The following KCNK10 variants were observed in gnomAD, a reference collection of about 807,000 sequenced individuals.
The protein encoded by KCNK10 is potassium channel subfamily K member 10.
KCNK10 carries 25 observed loss-of-function variants against 47.7 expected under a neutral mutation model. That is an observed-to-expected ratio of 0.52 (90% CI 0.38 to 0.73). KCNK10 has a LOEUF of 0.73. KCNK10 is among the 30% of genes least tolerant of loss of function. KCNK10 has a pLI of 0.00. For missense variants in KCNK10, 563 were observed against 714.5 expected, an observed-to-expected ratio of 0.79 and a Z score of 2.42; for synonymous variants, 303 against 285.6, an observed-to-expected ratio of 1.06 and a Z score of -0.61.
Position 88,224,263 on chromosome 14 carries a change from G to T in KCNK10, c.681+3112C>A, listed in dbSNP as rs542322717. 3.3e-5 allele frequency among the ~76,000 whole-genome samples: 5 copies of T among 152,276 alleles called. No individual in the cohort carries two copies. The South Asian group carries it at 1.0e-3, about 32-fold the overall frequency. On this transcript the variant is annotated intron_variant, in intron 4 of 6. Coordinates refer to ENST00000319231, the MANE Select transcript of KCNK10 (RefSeq NM_138317.3). ...ATAGAAAAACTAATGCAGCAGCAAG[G>T]TCCTAATTCAGGGTAAAGTGACTGT...
At position 88,186,503 on chromosome 14, in the gene KCNK10, A is replaced by C. The variant is rs1884566561; in HGVS notation, c.1012-348T>G. Among the ~76,000 whole-genome samples the C allele has an allele frequency of 2.0e-5, 3 of 152,114 alleles. No individual in the cohort carries two copies. The highest frequency in any genetic ancestry group is 7.2e-5 in the African/African-American group (3 of 41,418). On this transcript the variant is annotated intron_variant, in intron 6 of 6. Transcript: ENST00000319231. This position sits in a 1 kb window ranked among gnomAD's most constrained non-coding sequence, Gnocchi z 5.5. ...CTTCCAGCTCTCTCTTATCAATTGCATGGCCTCATTCCCCCAACATACACT... is the reference window on the plus strand; with the variant it reads ...CTTCCAGCTCTCTCTTATCAATTGCCTGGCCTCATTCCCCCAACATACACT...
chr14:88,309,869 T>C (rs1055585353), intron 1 of KCNK10, among the ~76,000 whole-genome samples: 2 of 151,904 alleles, frequency 1.3e-5, no homozygotes, highest in Admixed American at 6.6e-5. Context: ...TCTGACAACA[T>C]TTGCACAAAT....
At chr14:88,292,641 G>A (rs1180079652) in intron 1 of KCNK10, among the ~76,000 whole-genome samples, 1 of 151,358 alleles carries the variant, frequency 6.6e-6, no homozygotes, top group Non-Finnish European at 1.5e-5. Flanking sequence ...TTTCTTGTTT[G>A]GTTTTGTTTT....
Position 88,322,478 on chromosome 14 carries a change from C to A in KCNK10, c.52+269G>T, listed in dbSNP as rs1229334468. 6.6e-6 allele frequency among the ~76,000 whole-genome samples: 1 copy of A among 152,138 alleles called. No individual in the cohort carries two copies. The highest frequency in any genetic ancestry group is 1.5e-5 in the Non-Finnish European group (1 of 68,026). On this transcript the variant is annotated intron_variant, in intron 1 of 6. Coordinates refer to ENST00000319231, the MANE Select transcript of KCNK10 (RefSeq NM_138317.3). The surrounding 1 kb of genome is among the most constrained non-coding windows in gnomAD (Gnocchi z 4.8). ...AGTCAAAAGCAAATACCGACACTTG[C>A]AATTTCAAACCAAACAGTCGGCTTG...
At chr14:88,192,056 A>T (rs116879398) in intron 5 of KCNK10, among the ~76,000 whole-genome samples, 168 bp downstream of exon 5, 2,598 of 152,370 alleles carry the variant, frequency 0.017, 47 homozygotes, top group Middle Eastern at 0.048. Flanking sequence ...TATGGTATTT[A>T]TATTACATAG....
chr14:88,266,464 G>A (rs574350312), intron 1 of KCNK10, among the ~76,000 whole-genome samples: 8 of 152,116 alleles, frequency 5.3e-5, no homozygotes, highest in East Asian at 1.9e-4. Context: ...CAGGCCCAGC[G>A]TGCTGATCTT....
intron 1 of KCNK10, among the ~76,000 whole-genome samples, chr14:88,319,918 A>G (rs765025453): frequency 1.3e-5 from 2 of 152,248 alleles, no homozygotes; most frequent in Non-Finnish European, 2.9e-5. Flanking sequence ...CCTTTCTCCT[A>G]AAATGTTTGT....
intron 2 of KCNK10, among the ~76,000 whole-genome samples, chr14:88,255,531 C>CA (rs33933825): frequency 0.4 from 56,094 of 139,884 alleles, 11,658 homozygotes; most frequent in African/African-American, 0.52. Flanking sequence ...CTGTCTCTAC[C>CA]AAAAAAAAAA....
Position 88,242,715 on chromosome 14 carries a change from C to A in KCNK10, c.403-1895G>T, listed in dbSNP as rs10134409. Among the ~76,000 whole-genome samples, 1,376 of 152,314 alleles carry A rather than the reference C, an allele frequency of 9.0e-3. 22 individuals are homozygous for A. The highest frequency in any genetic ancestry group is 0.032 in the African/African-American group (1,321 of 41,560). Reference sequence around the variant, plus strand: ...GTTCTGCTCTGCTCTAGAGGGCAGACAGATGGTGAGTCCTTTCCACCGGTA... The same window carrying A: ...GTTCTGCTCTGCTCTAGAGGGCAGAAAGATGGTGAGTCCTTTCCACCGGTA... On this transcript the variant is annotated intron_variant, in intron 2 of 6. Coordinates refer to ENST00000319231, the MANE Select transcript of KCNK10 (RefSeq NM_138317.3).
chr14:88,313,615 C>A (rs1377213061), intron 1 of KCNK10, among the ~76,000 whole-genome samples: 4 of 152,134 alleles, frequency 2.6e-5, no homozygotes, highest in Non-Finnish European at 5.9e-5. Flanking sequence ...CACATGAGCA[C>A]ACCAGCTTGG....
chr14:88,205,995 G>A (rs1885262275), intron 4 of KCNK10, among the ~76,000 whole-genome samples: 1 of 151,942 alleles, frequency 6.6e-6, no homozygotes, highest in African/African-American at 2.4e-5. Context: ...TTCTAGTAAA[G>A]GTACATAACA....
intron 2 of KCNK10, among the ~76,000 whole-genome samples, chr14:88,244,923 G>C (rs1886587432): frequency 6.6e-6 from 1 of 152,116 alleles, no homozygotes; most frequent in East Asian, 1.9e-4. Context: ...AATTCACACA[G>C]GCAGATAATT....
chr14:88,213,867 G>A (rs1231805972), intron 4 of KCNK10, among the ~76,000 whole-genome samples: 8 of 151,170 alleles, frequency 5.3e-5, no homozygotes, highest in Non-Finnish European at 1.2e-4. Flanking sequence ...ATCCCCAGTG[G>A]GAATTAAAAT....
rs1884314089 is a variant in KCNK10 at position 88,180,608 on chromosome 14, G to A, written c.*4927C>T. Reference sequence around the variant, plus strand: ...GAACTATTTCAGATTTTTCACCTAAGAATCAAGAACACAAAGTAGATACCA... The same window carrying A: ...GAACTATTTCAGATTTTTCACCTAAAAATCAAGAACACAAAGTAGATACCA... On this transcript the variant is annotated 3_prime_UTR_variant, in exon 7 of 7. Coordinates refer to ENST00000319231, the MANE Select transcript of KCNK10 (RefSeq NM_138317.3). 1 of 395,642 alleles carries A rather than the reference G, an allele frequency of 2.5e-6. No individual in the cohort carries two copies. Among genetic ancestry groups the A allele is most frequent in the South Asian group, 1.4e-4 (1 of 6,992 alleles). The allele number at this position is 395,642 out of a possible 1,614,324, so 24.5% of individuals were successfully genotyped here.
At chr14:88,255,107 G>A (rs533341998) in intron 2 of KCNK10, among the ~76,000 whole-genome samples, 39 of 152,196 alleles carry the variant, frequency 2.6e-4, no homozygotes, top group African/African-American at 9.2e-4. Context: ...TATTCCCCAC[G>A]TGGAGTGCTA....
chr14:88,219,327 G>A (rs1003281644), intron 4 of KCNK10, among the ~76,000 whole-genome samples: 9 of 152,162 alleles, frequency 5.9e-5, no homozygotes, highest in Admixed American at 2.0e-4. Flanking sequence ...TTGCAGCTAC[G>A]AATGGGACCT....
chr14:88,244,375 A>G (rs1336039213), intron 2 of KCNK10, among the ~76,000 whole-genome samples: 6 of 152,224 alleles, frequency 3.9e-5, no homozygotes, highest in African/African-American at 1.4e-4. Flanking sequence ...ATTTGCTTTT[A>G]AGATTTTTCT....
intron 2 of KCNK10, among the ~76,000 whole-genome samples, chr14:88,262,830 C>T (rs1887147647): frequency 6.6e-6 from 1 of 152,202 alleles, no homozygotes; most frequent in Non-Finnish European, 1.5e-5. Flanking sequence ...CCTGCTTATT[C>T]TAAATCTGCA....
At chr14:88,301,191 T>C (rs1888085160) in intron 1 of KCNK10, among the ~76,000 whole-genome samples, 1 of 152,216 alleles carries the variant, frequency 6.6e-6, no homozygotes, top group Non-Finnish European at 1.5e-5. Context: ...CAGAATTAAA[T>C]ATGATAATGT....
Sources: allele counts gnomAD v4.1 joint callset (sites outside exome capture counted in the v4.1 genomes callset), GRCh38; gene constraint gnomAD v4.1.1; non-coding constraint Gnocchi (gnomAD v3.1); transcripts MANE v1.5; gene names NCBI Gene and HGNC (gene_info 2026-07-23, HGNC 2026-07-21).